Variants in NUP160 observed in about 807,000 individuals in gnomAD.
NUP160 encodes nuclear pore complex protein Nup160.
A neutral mutation model predicts 196.9 loss-of-function variants in NUP160; 94 were observed. The observed-to-expected ratio is 0.48, with a 90% CI of 0.40 to 0.57. The LOEUF is 0.57. NUP160 is among the 20% of genes least tolerant of loss of function. NUP160 has a pLI of 0.00. For synonymous variants in NUP160, 605 were observed against 619.7 expected (o/e 0.98, Z 0.35); for missense variants, 1,638 against 1,748.3 (o/e 0.94, Z 1.13).
chr11:47,800,020 G>A (rs182876475), intron 23 of NUP160, among the ~76,000 whole-genome samples: 3 of 152,138 alleles, frequency 2.0e-5, no homozygotes, highest in Admixed American at 2.0e-4. Context: ...TTGGGAGGCC[G>A]AGGCAGGTGG....
chr11:47,789,860 C>T (rs1157256176), intron 29 of NUP160, among the ~76,000 whole-genome samples: 1 of 151,830 alleles, frequency 6.6e-6, no homozygotes, highest in African/African-American at 2.4e-5. Context: ...AAAAACTTAG[C>T]TACTAATAGC....
At chr11:47,826,967 A>G in intron 7 of NUP160, 2 of 443,470 alleles carry the variant, frequency 4.5e-6, no homozygotes, top group South Asian at 3.2e-5. Flanking sequence ...TGGTGTCTTA[A>G]CATAAATCAA....
At chr11:47,807,459 A>G (rs1402896729) in intron 18 of NUP160, among the ~76,000 whole-genome samples, 1 of 152,118 alleles carries the variant, frequency 6.6e-6, no homozygotes, top group African/African-American at 2.4e-5. Context: ...TGAGGTCAGG[A>G]GTTCAAGACC....
At chr11:47,845,185 G>T (rs1852377196) in intron 2 of NUP160, among the ~76,000 whole-genome samples, 1 of 152,116 alleles carries the variant, frequency 6.6e-6, no homozygotes, top group Non-Finnish European at 1.5e-5. Flanking sequence ...TTGTTGCCCA[G>T]GCTGGAGTGC....
Position 47,821,655 on chromosome 11 carries a change from C to T in NUP160, c.1277+69G>A, listed in dbSNP as rs528567457. 1.1e-4 allele frequency: 134 copies of T among 1,169,304 alleles called. 2 individuals carry two copies. The highest frequency in any genetic ancestry group is 1.2e-4 in the Admixed American group (7 of 56,994). 72.4% of individuals were successfully genotyped at this position (1,169,304 alleles called of 1,614,324 possible). ...GATTACAGGCATGAGACACGGCGCC[C>T]GGCCTCTCGTCTTCTTAGCATGAAA... On this transcript the variant is annotated intron_variant, in intron 9 of 35. Transcript: ENST00000378460.
At chr11:47,840,462 A>C in exon 3 of NUP160, 1 of 1,614,180 alleles carries the variant, frequency 6.2e-7, no homozygotes, top group Non-Finnish European at 8.5e-7. Context: ...CACGATTCTG[A>C]GTCTCAGAGA....
chr11:47,788,661 C>A (rs2097666140), intron 29 of NUP160, 50 bp from the exon 30 acceptor site: 1 of 1,196,966 alleles, frequency 8.4e-7, no homozygotes, highest in South Asian at 1.3e-5. Flanking sequence ...AAAGAAGTAT[C>A]CATCAGATTA....
At chr11:47,836,652 G>GTAC (rs1193616806) in intron 6 of NUP160, among the ~76,000 whole-genome samples, 2 of 152,074 alleles carry the variant, frequency 1.3e-5, no homozygotes, top group African/African-American at 4.8e-5. Flanking sequence ...GGTGTACTTT[G>GTAC]TACTACTCTT....
chr11:47,783,524 A>G (rs2097662718), intron 33 of NUP160, among the ~76,000 whole-genome samples: 1 of 152,230 alleles, frequency 6.6e-6, no homozygotes, highest in African/African-American at 2.4e-5. Flanking sequence ...TAAAGTCAAC[A>G]AACTTTTCCT....
At chr11:47,835,254 T>C (rs892404103) in intron 7 of NUP160, among the ~76,000 whole-genome samples, 2 of 152,170 alleles carry the variant, frequency 1.3e-5, no homozygotes, top group African/African-American at 4.8e-5. Flanking sequence ...GTTTATTAAA[T>C]GATTACACTA....
At chr11:47,803,176 A>AATAATAATAATAATG (rs1293759044) in intron 22 of NUP160, among the ~76,000 whole-genome samples, 1 of 149,128 alleles carries the variant, frequency 6.7e-6, no homozygotes, top group East Asian at 1.9e-4. Flanking sequence ...TAATAATAAT[A>AATAATAATAATAATG]ATAAAAGGAA....
At chr11:47,816,471 G>A (rs2097684530) in intron 11 of NUP160, among the ~76,000 whole-genome samples, 1 of 152,178 alleles carries the variant, frequency 6.6e-6, no homozygotes, top group African/African-American at 2.4e-5. Flanking sequence ...AAGCTAAGTA[G>A]TAATTTAAAG....
rs1331136719 is a variant in NUP160, at chr11:47,785,045, C to T, written c.3867G>A (p.Trp1289Ter). 6.6e-7 allele frequency: 1 copy of T among 1,516,756 alleles called. No homozygotes were observed. The highest frequency in any genetic ancestry group is 1.5e-5 in the African/African-American group (1 of 68,772). The allele number at this position is 1,516,756 out of a possible 1,614,324, so 94.0% of individuals were successfully genotyped here. A position where few individuals can be genotyped will look rare whatever the true frequency, so the allele number is the denominator to read the frequency against. Residue 1289 changes from tryptophan (W) to a stop codon, truncating the protein, a stop_gained, in exon 33 of 36, where the codon TGG (tryptophan) becomes TGA (stop). Coordinates refer to ENST00000378460, the Ensembl canonical transcript of NUP160. LOFTEE classifies it high-confidence loss of function. Reference sequence around the variant, plus strand: ...TCTCCAGGTAAGTGGATAATAGTCGCCATGCTTCATCTGTAGCACTTGAAA... The same window carrying T: ...TCTCCAGGTAAGTGGATAATAGTCGTCATGCTTCATCTGTAGCACTTGAAA...
At chr11:47,804,514 G>GA in intron 21 of NUP160, 35 bp downstream of exon 21, 1 of 1,368,630 alleles carries the variant, frequency 7.3e-7, no homozygotes, top group Non-Finnish European at 1.0e-6. Context: ...TGCTTTACAA[G>GA]AATGTGTAGA....
chr11:47,787,105 T>G, intron 31 of NUP160: 1 of 151,594 alleles, frequency 6.6e-6, no homozygotes, highest in Non-Finnish European at 1.5e-5. Flanking sequence ...TTTTTTAAAT[T>G]AAGATGGAGT....
chr11:47,793,968 AC>A (rs1379116616), intron 27 of NUP160, among the ~76,000 whole-genome samples: 1 of 152,086 alleles, frequency 6.6e-6, no homozygotes, highest in African/African-American at 2.4e-5. Context: ...AACCTTGAAG[AC>A]ATTATGCTAG....
chr11:47,841,393 C>A, intron 2 of NUP160: 1 of 462,524 alleles, frequency 2.2e-6, no homozygotes, highest in African/African-American at 2.1e-5. Flanking sequence ...TGATACAATC[C>A]TGACCAACCG....
intron 34 of NUP160, among the ~76,000 whole-genome samples, chr11:47,782,652 A>ATTAT (rs528276059): frequency 2.0e-3 from 305 of 151,366 alleles, no homozygotes; most frequent in Middle Eastern, 0.014. Context: ...TTATTTATTT[A>ATTAT]TTATTTATTT....
intron 7 of NUP160, among the ~76,000 whole-genome samples, chr11:47,826,369 T>TG (rs1851968104): frequency 2.6e-5 from 4 of 152,216 alleles, no homozygotes; most frequent in Admixed American, 2.6e-4. Flanking sequence ...AAAAAAGTTA[T>TG]TCTGATTTTA....
Sources: allele counts gnomAD v4.1 joint callset (sites outside exome capture counted in the v4.1 genomes callset), GRCh38; gene constraint gnomAD v4.1.1; transcripts MANE v1.5; gene names NCBI Gene and HGNC (gene_info 2026-07-23, HGNC 2026-07-21).